The following NAV3 variants were observed in gnomAD, a reference collection of about 807,000 sequenced individuals.
NAV3 encodes pore membrane and/or filament interacting like protein 1.
A neutral mutation model predicts 244.7 loss-of-function variants in NAV3; 87 were observed. The ratio of observed to expected loss-of-function variants is 0.36; its 90% CI spans 0.30 to 0.42. The LOEUF (loss-of-function observed/expected upper bound fraction) is 0.42, where lower values mean the gene tolerates loss of function less well. Among genes scored for constraint, NAV3 ranks in the 20% least tolerant of loss-of-function variants. The pLI, the probability that NAV3 is intolerant of heterozygous loss-of-function variation, is 1.00. For missense variants in NAV3, 2,663 were observed against 2,893.3 expected, an observed-to-expected ratio of 0.92 and a Z score of 1.83; for synonymous variants, 1,126 against 1,042.2, an observed-to-expected ratio of 1.08 and a Z score of -1.55.
chr12:78,137,794 A>G (rs1162452111), intron 19 of NAV3, among the ~76,000 whole-genome samples: 1 of 152,116 alleles, frequency 6.6e-6, no homozygotes, highest in Non-Finnish European at 1.5e-5. Flanking sequence ...CTAATTTTTT[A>G]TTATATCATT....
chr12:77,866,502 C>T (rs1020018087), intron 1 of NAV3, among the ~76,000 whole-genome samples: 18 of 152,134 alleles, frequency 1.2e-4, no homozygotes, highest in Non-Finnish European at 2.6e-4. Context: ...AACATTTCCT[C>T]CTATCCCACA....
At position 78,050,015 on chromosome 12, in the gene NAV3, A is replaced by T; in HGVS notation, c.2046A>T (p.Arg682Ser). The T allele has an allele frequency of 1.2e-6, 2 of 1,612,316 alleles. No individual in the cohort carries two copies. The highest frequency in any genetic ancestry group is 1.7e-6 in the Non-Finnish European group (2 of 1,179,454). The change falls in exon 10 of 40, where the codon AGA becomes AGT. Residue 682 changes from arginine (R) to serine (S), a missense_variant. This residue lies in a region of NAV3 where 1,521 missense variants were observed against 1,497.0 expected (regional missense o/e 1.02). Coordinates refer to ENST00000397909, the MANE Select transcript of NAV3 (RefSeq NM_001024383.2). ...TAGGTGAAGACCCTGAAACAAGAAGAATGAGAACAGTTAAAAACATAGCAG... is the reference window on the plus strand; with the variant it reads ...TAGGTGAAGACCCTGAAACAAGAAGTATGAGAACAGTTAAAAACATAGCAG... ...EISGEDPETR[R>S]MRTVKNIADL...
intron 2 of NAV3, among the ~76,000 whole-genome samples, chr12:77,809,622 C>A (rs1443378519): frequency 6.6e-6 from 1 of 152,240 alleles, no homozygotes; most frequent in Non-Finnish European, 1.5e-5. Flanking sequence ...ATTCAGCCAT[C>A]TTGCCAGCTA....
chr12:78,017,970 A>G (rs113873692), intron 8 of NAV3, among the ~76,000 whole-genome samples: 13 of 152,276 alleles, frequency 8.5e-5, no homozygotes, highest in African/African-American at 3.1e-4. Flanking sequence ...ATGGCTTGTA[A>G]CATCAGTAGA....
chr12:77,833,014 A>G (rs1331576308), intron 1 of NAV3, among the ~76,000 whole-genome samples: 1 of 152,212 alleles, frequency 6.6e-6, no homozygotes, highest in African/African-American at 2.4e-5. Flanking sequence ...TTTTTCTACA[A>G]TGCCCATCCC....
At position 78,175,402 on chromosome 12, in the gene NAV3, C is replaced by A; in HGVS notation, c.5078C>A (p.Ser1693Tyr). ...SSIGSGNDAD[S>Y]KKKKKKNWVN... ...ATTGGCAGTGGTAATGATGCCGACTCCAAGAAGAAGAAAAAGAAAAACTGG... is the reference window on the plus strand; with the variant it reads ...ATTGGCAGTGGTAATGATGCCGACTACAAGAAGAAGAAAAAGAAAAACTGG... Residue 1693 changes from serine to tyrosine, a missense_variant, in exon 25 of 40, where the codon TCC becomes TAC. Physicochemically the swap from Ser to Tyr is moderately radical, Grantham distance 144. Coordinates refer to ENST00000397909, the MANE Select transcript of NAV3 (RefSeq NM_001024383.2). 6.2e-7 allele frequency: 1 copy of A among 1,610,978 alleles called. No individual in the cohort carries two copies. Among genetic ancestry groups the A allele is most frequent in the Non-Finnish European group, 8.5e-7 (1 of 1,178,136 alleles).
chr12:77,772,590 T>C (rs1359955705), intron 2 of NAV3, among the ~76,000 whole-genome samples: 1 of 152,198 alleles, frequency 6.6e-6, no homozygotes, highest in East Asian at 1.9e-4. Context: ...TATATTTTTA[T>C]ATTATTTTGA....
intron 1 of NAV3, among the ~76,000 whole-genome samples, chr12:77,903,578 G>A (rs151092691): frequency 4.9e-4 from 75 of 152,234 alleles, no homozygotes; most frequent in African/African-American, 1.5e-3. Flanking sequence ...CAGGACATAG[G>A]CATGGACAAG....
chr12:77,921,256 T>A, intron 1 of NAV3, among the ~76,000 whole-genome samples: 1 of 152,108 alleles, frequency 6.6e-6, no homozygotes, highest in African/African-American at 2.4e-5. Flanking sequence ...TTTACTCAAA[T>A]TTTAACTTGG....
At chr12:78,044,768 G>A (rs189684142) in intron 9 of NAV3, among the ~76,000 whole-genome samples, 11 of 152,210 alleles carry the variant, frequency 7.2e-5, no homozygotes, top group African/African-American at 2.2e-4. Context: ...TGTGATTTTC[G>A]CATGTTGATT....
chr12:77,619,806 A>G (rs1196228733), intron 2 of NAV3, among the ~76,000 whole-genome samples: 15 of 152,118 alleles, frequency 9.9e-5, no homozygotes, highest in Admixed American at 9.8e-4. Context: ...CCATTCTCAA[A>G]ATGACTTTGG....
At chr12:77,675,591 C>G (rs1431569029) in intron 2 of NAV3, among the ~76,000 whole-genome samples, 2 of 152,162 alleles carry the variant, frequency 1.3e-5, no homozygotes, top group East Asian at 3.9e-4. Context: ...TCATGTAAAA[C>G]TGACCATCAC....
rs769390146 is a variant in NAV3, at chr12:77,990,107, G to A, written c.672-4696G>A. 7.9e-4 allele frequency among the ~76,000 whole-genome samples: 55 copies of A among 69,578 alleles called. 16 individuals carry two copies. The highest frequency in any genetic ancestry group is 3.4e-3 in the South Asian group (10 of 2,914). 45.6% of individuals were successfully genotyped at this position (69,578 alleles called of 152,430 possible). A position where few individuals can be genotyped will look rare whatever the true frequency, so the allele number is the denominator to read the frequency against. ...CTTCCAATGTTATTCAAACACCAGGGGTTTAGTCTAGGTCCTGCTCTCTGT... is the reference window on the plus strand; with the variant it reads ...CTTCCAATGTTATTCAAACACCAGGAGTTTAGTCTAGGTCCTGCTCTCTGT... On this transcript the variant is annotated intron_variant, in intron 5 of 39. Coordinates refer to ENST00000397909, the MANE Select transcript of NAV3 (RefSeq NM_001024383.2).
rs147564844 is a variant in NAV3, at chr12:77,893,721, C to T, written c.244-46598C>T. ...TAGTTGGCAAGAATAATACCTTACT[C>T]GAATGAGGCTTTGGAACAGTGACTA... is the stretch of plus-strand genomic sequence containing the variant. On this transcript the variant is annotated intron_variant, in intron 1 of 39. Coordinates refer to ENST00000397909, the MANE Select transcript of NAV3 (RefSeq NM_001024383.2). Among the ~76,000 whole-genome samples the T allele has an allele frequency of 3.1e-3, 479 of 152,248 alleles. 1 individual carries two copies. Among genetic ancestry groups the T allele is most frequent in the African/African-American group, 9.2e-3 (384 of 41,532 alleles).
chr12:77,879,739 A>G (rs1242715614), intron 1 of NAV3, among the ~76,000 whole-genome samples: 2 of 151,108 alleles, frequency 1.3e-5, no homozygotes, highest in Non-Finnish European at 1.5e-5. Flanking sequence ...AAAACTATCT[A>G]CAAGTACTAT....
In NAV3 at chr12:77,796,007, G is replaced by A. The variant is rs117485797; in HGVS notation, c.73-144312G>A. On this transcript the variant is annotated intron_variant, in intron 2 of 8. Transcript: ENST00000550042. ...GTGCAAGAAAATTTGTGCTGTTTCCGTGCATGGTAACACAGAATCCTGTCA... is the reference window on the plus strand; with the variant it reads ...GTGCAAGAAAATTTGTGCTGTTTCCATGCATGGTAACACAGAATCCTGTCA... Among the ~76,000 whole-genome samples the A allele has an allele frequency of 2.2e-3, 339 of 152,238 alleles. 2 individuals are homozygous for A. The East Asian group carries it at 0.026, about 12-fold the overall frequency.
rs749812257 is a variant in NAV3 at position 78,175,291 on chromosome 12, T to C, written c.4982-15T>C. Reference sequence around the variant, plus strand: ...CTCTTCATGAGCCGATGTGATACTCTCCCTCTATTGCTAGATCTTCGCATC... The same window carrying C: ...CTCTTCATGAGCCGATGTGATACTCCCCCTCTATTGCTAGATCTTCGCATC... On this transcript the variant is annotated splice_polypyrimidine_tract_variant and intron_variant, in intron 24 of 39. Transcript: ENST00000397909. 51 of 1,609,238 alleles carry C rather than the reference T, an allele frequency of 3.2e-5. No individual in the cohort carries two copies. The highest frequency in any genetic ancestry group is 4.1e-5 in the Non-Finnish European group (48 of 1,177,080).
chr12:77,976,042 T>C (rs1036127767), intron 5 of NAV3, among the ~76,000 whole-genome samples: 1 of 152,176 alleles, frequency 6.6e-6, no homozygotes, highest in African/African-American at 2.4e-5. Context: ...AACTCTAGCA[T>C]GGATAAGGAG....
chr12:78,172,239 C>T (rs1002065162), intron 24 of NAV3, among the ~76,000 whole-genome samples: 6 of 151,482 alleles, frequency 4.0e-5, no homozygotes, highest in Admixed American at 1.3e-4. Flanking sequence ...AGTTGGATAA[C>T]GCATGTATTA....
Sources: allele counts gnomAD v4.1 joint callset (sites outside exome capture counted in the v4.1 genomes callset), GRCh38; gene constraint gnomAD v4.1.1; regional missense constraint gnomAD v4.1.1; transcripts MANE v1.5; gene names NCBI Gene and HGNC (gene_info 2026-07-23, HGNC 2026-07-21).